Variants in RNF144A observed in about 807,000 individuals in gnomAD.
RNF144A encodes the protein ring finger protein 144A, also known as E3 ubiquitin-protein ligase RNF144A.
In RNF144A, 11 loss-of-function variants were observed where a neutral mutation model predicts 38.7. That is an observed-to-expected ratio of 0.28 (90% CI 0.18 to 0.47). RNF144A has a LOEUF of 0.47. RNF144A is among the 20% of genes least tolerant of loss of function. The pLI, the probability that RNF144A is intolerant of heterozygous loss-of-function variation, is 0.99. For synonymous variants in RNF144A, 149 were observed against 143.9 expected (o/e 1.04, Z -0.25); for missense variants, 316 against 377.2 (o/e 0.84, Z 1.34).
chr2:6,953,296 G>T (rs890828618), intron 2 of RNF144A, among the ~76,000 whole-genome samples: 1 of 152,096 alleles, frequency 6.6e-6, no homozygotes, highest in Non-Finnish European at 1.5e-5. Context: ...CGGCATGGTG[G>T]CGGGCGCCTG....
At chr2:6,988,964 G>C (rs374788148) in intron 2 of RNF144A, among the ~76,000 whole-genome samples, 1 of 151,948 alleles carries the variant, frequency 6.6e-6, no homozygotes, top group South Asian at 2.1e-4. Context: ...AGCTTTTTCA[G>C]TTGTCTCCTA....
intron 2 of RNF144A, among the ~76,000 whole-genome samples, chr2:6,963,751 G>A (rs1378344166): frequency 1.3e-5 from 2 of 152,164 alleles, no homozygotes; most frequent in Non-Finnish European, 2.9e-5. Flanking sequence ...TCCGAGTCAT[G>A]TGTCCTTGGT....
chr2:7,068,026 TC>T (rs1426679133), intron 6 of RNF144A, among the ~76,000 whole-genome samples: 3 of 152,204 alleles, frequency 2.0e-5, no homozygotes, highest in Non-Finnish European at 4.4e-5. Flanking sequence ...TATCTAGTGG[TC>T]CCCACCCTGC....
intron 2 of RNF144A, among the ~76,000 whole-genome samples, chr2:6,963,035 A>G (rs1288484489): frequency 6.6e-6 from 1 of 152,240 alleles, no homozygotes; most frequent in Non-Finnish European, 1.5e-5. Flanking sequence ...AATTAGGCTA[A>G]GTTATAAGTG....
At chr2:7,037,630 A>G (rs772672537) in intron 8 of RNF144A, among the ~76,000 whole-genome samples, 5 of 152,252 alleles carry the variant, frequency 3.3e-5, no homozygotes, top group Non-Finnish European at 5.9e-5. Context: ...TATAAATGCA[A>G]TGTGGCATAA....
At chr2:6,976,790 C>A (rs1163234824) in intron 2 of RNF144A, among the ~76,000 whole-genome samples, 1 of 150,366 alleles carries the variant, frequency 6.7e-6, no homozygotes, top group Non-Finnish European at 1.5e-5. Context: ...TCATAATGAA[C>A]AGATGGGGTT....
At chr2:7,024,575 T>C (rs1671753877) in intron 7 of RNF144A, 59 bp downstream of exon 7, 1 of 1,556,556 alleles carries the variant, frequency 6.4e-7, no homozygotes, top group South Asian at 1.1e-5. Context: ...AGATTTGGAA[T>C]GAGAAAAATA....
At chr2:6,972,858 A>G (rs148036972) in intron 2 of RNF144A, among the ~76,000 whole-genome samples, 2 of 152,346 alleles carry the variant, frequency 1.3e-5, no homozygotes, top group East Asian at 3.9e-4. Context: ...AGAAAGGTGC[A>G]TGCCCTCTAA....
At chr2:7,030,358 A>T in intron 8 of RNF144A, 143 bp downstream of exon 8, 1 of 669,028 alleles carries the variant, frequency 1.5e-6, no homozygotes, top group Non-Finnish European at 2.7e-6. Flanking sequence ...GATCTCCTGG[A>T]TAGAAAGAGC....
intron 6 of RNF144A, among the ~76,000 whole-genome samples, chr2:7,049,882 A>C (rs899814116): frequency 1.3e-5 from 2 of 152,254 alleles, no homozygotes; most frequent in Non-Finnish European, 2.9e-5. Context: ...AGGCGAGGCT[A>C]ACACAGGCTT....
At position 6,917,669 on chromosome 2, in the gene RNF144A, C is replaced by A. The variant is rs1262942127; in HGVS notation, c.-212+47C>A. On this transcript the variant is annotated intron_variant, in intron 1 of 8. Coordinates refer to ENST00000320892, the MANE Select transcript of RNF144A (RefSeq NM_014746.6). This position sits in a 1 kb window ranked among gnomAD's most constrained non-coding sequence, Gnocchi z 4.8. ...TTGTGTCCGCATCGCCCGGGCCGGC[C>A]GCGGAGCGGGGAGGGCGGGACGCGG... The A allele has an allele frequency of 1.4e-5, 2 of 147,552 alleles. No individual in the cohort carries two copies. Among genetic ancestry groups the A allele is most frequent in the African/African-American group, 4.9e-5 (2 of 40,824 alleles). The allele number at this position is 147,552 out of a possible 1,614,324, so 9.1% of individuals were successfully genotyped here.
rs1672940474 is a variant in RNF144A at position 7,039,842 on chromosome 2, A to C, written c.*82A>C. The C allele has an allele frequency of 6.4e-7, 1 of 1,553,072 alleles. No individual in the cohort carries two copies. The highest frequency in any genetic ancestry group is 1.4e-5 in the African/African-American group (1 of 73,378). ...CCCTCCCCACCGTCCCCCCTTCACT[A>C]AACATCTTTCTTGCCTTATGTGCCC... is the stretch of plus-strand genomic sequence containing the variant. On this transcript the variant is annotated 3_prime_UTR_variant, in exon 9 of 9. Coordinates refer to ENST00000320892, the MANE Select transcript of RNF144A (RefSeq NM_014746.6).
chr2:7,069,334 T>A (rs1233524467), downstream of RNF144A, among the ~76,000 whole-genome samples: 1 of 152,206 alleles, frequency 6.6e-6, no homozygotes, highest in Non-Finnish European at 1.5e-5. Flanking sequence ...TAGCAACAAA[T>A]TAATCCTATT....
chr2:7,055,728 C>T (rs1673716308), intron 6 of RNF144A, among the ~76,000 whole-genome samples: 1 of 152,190 alleles, frequency 6.6e-6, no homozygotes, highest in Non-Finnish European at 1.5e-5. Context: ...TTCATTCATG[C>T]CTATGATTCT....
In RNF144A at chr2:7,043,733, C is replaced by T; in HGVS notation, c.*3973C>T. The T allele has an allele frequency of 1.0e-6, 1 of 985,866 alleles. No homozygotes were observed. Among genetic ancestry groups the T allele is most frequent in the Non-Finnish European group, 1.2e-6 (1 of 829,928 alleles). 61.1% of individuals were successfully genotyped at this position (985,866 alleles called of 1,614,324 possible). On this transcript the variant is annotated 3_prime_UTR_variant, in exon 9 of 9. Transcript: ENST00000320892. ...GTTTAAAAAACCCAGGGTCTCCACC[C>T]TTCCTTTGATTTGTGCAATTCTGTC...
intron 2 of RNF144A, among the ~76,000 whole-genome samples, chr2:6,942,048 A>G (rs947213273): frequency 6.6e-6 from 1 of 152,284 alleles, no homozygotes; most frequent in Non-Finnish European, 1.5e-5. Context: ...TCTGGCCTCT[A>G]CATTGAGAAT....
intron 3 of RNF144A, among the ~76,000 whole-genome samples, chr2:7,008,511 G>A (rs541379543): frequency 1.3e-4 from 20 of 152,258 alleles, no homozygotes; most frequent in Non-Finnish European, 1.3e-4. Flanking sequence ...GCCCCCTCCC[G>A]ACACGGTGCA....
intron 8 of RNF144A, among the ~76,000 whole-genome samples, chr2:7,038,071 G>T (rs951164123): frequency 6.6e-6 from 1 of 152,222 alleles, no homozygotes; most frequent in Admixed American, 6.5e-5. Context: ...TGCATTTGAG[G>T]CTTATTTCTT....
chr2:6,997,339 A>G (rs1475029369), intron 3 of RNF144A, among the ~76,000 whole-genome samples: 2 of 152,172 alleles, frequency 1.3e-5, no homozygotes, highest in Non-Finnish European at 1.5e-5. Context: ...ATCATAGCGC[A>G]TGTTCTCCTT....
Sources: allele counts gnomAD v4.1 joint callset (sites outside exome capture counted in the v4.1 genomes callset), GRCh38; gene constraint gnomAD v4.1.1; non-coding constraint Gnocchi (gnomAD v3.1); transcripts MANE v1.5; gene names NCBI Gene and HGNC (gene_info 2026-07-23, HGNC 2026-07-21).